The following MYO19 variants were observed in gnomAD, a reference collection of about 807,000 sequenced individuals.
MYO19 encodes myosin XIX.
MYO19 carries 132 observed loss-of-function variants against 129.2 expected under a neutral mutation model. The ratio of observed to expected loss-of-function variants is 1.02; its 90% CI spans 0.89 to 1.18. The LOEUF (loss-of-function observed/expected upper bound fraction) is 1.18, where lower values mean the gene tolerates loss of function less well. Ranked by LOEUF, MYO19 falls within the 50% of genes most tolerant of loss-of-function variation. The pLI is 0.00. For missense variants in MYO19, 1,210 were observed against 1,216.7 expected (o/e 0.99, Z 0.08); for synonymous variants, 531 against 477.2 (o/e 1.11, Z -1.47).
In MYO19 at chr17:36,532,554, T is replaced by A; in HGVS notation, c.-16A>T. On this transcript the variant is annotated 5_prime_UTR_variant, in exon 3 of 26. It removes the in-frame stop codon of an upstream open reading frame in the 5' UTR. Transcript: ENST00000614623. ...GCTGGAGCATCCTCCTTCAAAGTGGTCAGCCAGGGTTCTGGGTTGCAGGAG... is the reference window on the plus strand; with the variant it reads ...GCTGGAGCATCCTCCTTCAAAGTGGACAGCCAGGGTTCTGGGTTGCAGGAG... The A allele has an allele frequency of 6.4e-7, 1 of 1,554,332 alleles. No homozygotes were observed. The highest frequency in any genetic ancestry group is 8.7e-7 in the Non-Finnish European group (1 of 1,148,492).
At chr17:36,538,359 A>C, upstream of MYO19, 2 of 1,614,190 alleles carry the variant, frequency 1.2e-6, no homozygotes, top group African/African-American at 1.3e-5. Context: ...ACCTGTTACA[A>C]ATAAAAAGCA....
At chr17:36,534,539 A>AGGGT (rs2074017003) in intron 1 of MYO19, 1 of 152,264 alleles carries the variant, frequency 6.6e-6, no homozygotes. Context: ...GGAAAGGTGG[A>AGGGT]GGGTGATCAA....
chr17:36,495,642 T>A lies in MYO19; in HGVS notation c.*609A>T. 1.6e-6 allele frequency: 2 copies of A among 1,289,910 alleles called. No individual in the cohort carries two copies. The highest frequency in any genetic ancestry group is 2.0e-6 in the Non-Finnish European group (2 of 1,022,174). 79.9% of individuals were successfully genotyped at this position (1,289,910 alleles called of 1,614,324 possible). On this transcript the variant is annotated 3_prime_UTR_variant, in exon 26 of 26. Coordinates refer to ENST00000614623, the MANE Select transcript of MYO19 (RefSeq NM_001163735.2). ...AAACTTGACATTCAGATGATTGTTT[T>A]TAAATGTTTTACTTTTGGTACAGTT...
At chr17:36,498,675 G>C in intron 24 of MYO19, 116 bp from the exon 25 acceptor site, 1 of 1,251,536 alleles carries the variant, frequency 8.0e-7, no homozygotes, top group Non-Finnish European at 1.1e-6. Flanking sequence ...AAGGCACCTG[G>C]TTGCAAACAG....
chr17:36,512,882 G>C, intron 11 of MYO19: 2 of 1,145,250 alleles, frequency 1.7e-6, no homozygotes, highest in Non-Finnish European at 2.2e-6. Flanking sequence ...ACCTGGGGCA[G>C]TCTCATGTTC....
chr17:36,520,387 C>T (rs1392696011), intron 6 of MYO19, among the ~76,000 whole-genome samples: 1 of 152,124 alleles, frequency 6.6e-6, no homozygotes, highest in Non-Finnish European at 1.5e-5. Context: ...TGGATCTGTG[C>T]TTGCCATCTT....
upstream of MYO19, chr17:36,537,229 C>T (rs757460693): frequency 1.2e-6 from 2 of 1,614,064 alleles, no homozygotes; most frequent in Non-Finnish European, 1.7e-6. Context: ...ATCATTTTCT[C>T]ACAGTACTTG....
chr17:36,509,160 T>C (rs946672596), intron 13 of MYO19, 25 bp from the exon 14 acceptor site: 2 of 1,610,280 alleles, frequency 1.2e-6, no homozygotes, highest in African/African-American at 1.3e-5. Flanking sequence ...GAGTGGACTC[T>C]GGTAAGAGGG....
chr17:36,544,712 T>C (rs1284358914), upstream of MYO19, among the ~76,000 whole-genome samples: 1 of 152,098 alleles, frequency 6.6e-6, no homozygotes, highest in Non-Finnish European at 1.5e-5. Flanking sequence ...CCAGTCCTAG[T>C]TCGGGTCTAG....
At chr17:36,499,029 C>T (rs769910377) in intron 24 of MYO19, 46 bp downstream of exon 24, 23 of 1,496,772 alleles carry the variant, frequency 1.5e-5, no homozygotes, top group Non-Finnish European at 2.0e-5. Flanking sequence ...CATCTGGTCC[C>T]CAAAATTGAT....
chr17:36,498,711 CCAT>C, intron 24 of MYO19, 152 bp from the exon 25 acceptor site: 6 of 802,086 alleles, frequency 7.5e-6, no homozygotes, highest in Non-Finnish European at 1.2e-5. Flanking sequence ...CAAACTGGTT[CCAT>C]ATGCCACAAG....
In MYO19 at chr17:36,532,271, A is replaced by G. The variant is rs73276799; in HGVS notation, c.12+256T>C. 4.0e-3 allele frequency among the ~76,000 whole-genome samples: 602 copies of G among 152,326 alleles called. 5 individuals are homozygous for G. Among genetic ancestry groups the G allele is most frequent in the African/African-American group, 0.014 (593 of 41,572 alleles). On this transcript the variant is annotated intron_variant, in intron 3 of 25. Transcript: ENST00000614623. ...GGACATCTCTCAGGACTTCCTCTGC[A>G]GAATCCCCAAAGTGCCCTAAGGATT...
At chr17:36,531,012 A>T (rs1173463259) in intron 3 of MYO19, among the ~76,000 whole-genome samples, 2 of 152,076 alleles carry the variant, frequency 1.3e-5, no homozygotes, top group Non-Finnish European at 2.9e-5. Context: ...AGGCAGACGG[A>T]TCACTTGAGG....
At position 36,495,721 on chromosome 17, in the gene MYO19, T is replaced by G. The variant is rs112151040; in HGVS notation, c.*530A>C. 1.7e-3 allele frequency: 2,111 copies of G among 1,249,908 alleles called. 29 individuals carry two copies. In the East Asian group the frequency reaches 0.023, roughly 13 times the overall value. 77.4% of individuals were successfully genotyped at this position (1,249,908 alleles called of 1,614,324 possible). On this transcript the variant is annotated 3_prime_UTR_variant, in exon 26 of 26. Coordinates refer to ENST00000614623, the MANE Select transcript of MYO19 (RefSeq NM_001163735.2). ...ACACTTCATATGGAGTTAAACTTGG[T>G]CAGTGTTAATAAAATCAAAACGTGA...
At chr17:36,516,473 C>A (rs971293803) in intron 6 of MYO19, among the ~76,000 whole-genome samples, 1 of 152,004 alleles carries the variant, frequency 6.6e-6, no homozygotes, top group South Asian at 2.1e-4. Flanking sequence ...TGAGTTCAAG[C>A]GATTCTCCTG....
chr17:36,521,151 GAA>G (rs1238909694), intron 6 of MYO19, among the ~76,000 whole-genome samples: 2 of 152,128 alleles, frequency 1.3e-5, no homozygotes, highest in African/African-American at 2.4e-5. Context: ...AAGCTCACGG[GAA>G]AAGTTATGGC....
intron 23 of MYO19, chr17:36,499,752 G>GT (rs1429185679): frequency 1.5e-5 from 2 of 130,918 alleles, no homozygotes; most frequent in Admixed American, 9.3e-5. Context: ...TGTAGCCTCC[G>GT]TAAGGCTGTA....
At position 36,518,711 on chromosome 17, in the gene MYO19, A is replaced by G. The variant is rs528153494; in HGVS notation, c.415-2721T>C. ...TAAAATGCTGAATTTAATCAAAGGCAATAAAAAAAGGAACTAAGATCACAC... is the reference window on the plus strand; with the variant it reads ...TAAAATGCTGAATTTAATCAAAGGCGATAAAAAAAGGAACTAAGATCACAC... On this transcript the variant is annotated intron_variant, in intron 6 of 25. Transcript: ENST00000614623. Among the ~76,000 whole-genome samples, 23 of 151,438 alleles carry G rather than the reference A, an allele frequency of 1.5e-4. 1 individual carries two copies. In the South Asian group the frequency reaches 4.6e-3, roughly 30 times the overall value.
chr17:36,510,823 C>G lies in MYO19; in HGVS notation c.1080G>C (p.Gln360His), dbSNP rs2072271943. 4.4e-6 allele frequency: 7 copies of G among 1,588,022 alleles called. No individual in the cohort carries two copies. The East Asian group carries it at 1.6e-4, about 37-fold the overall frequency. ...GGGCGCAGGGCTTCCGGAACACCTG[C>G]TGCTGTCTGCCTGCCCTGATGGTTC... ...QIRTIRAGRQ[Q>H]QVFRKPCARA... Residue 360 changes from glutamine (Q) to histidine (H), a missense_variant, in exon 13 of 26, where the codon CAG becomes CAC. Physicochemically the swap from Gln to His is conservative, Grantham distance 24. Transcript: ENST00000614623.
Sources: allele counts gnomAD v4.1 joint callset (sites outside exome capture counted in the v4.1 genomes callset), GRCh38; gene constraint gnomAD v4.1.1; transcripts MANE v1.5; gene names NCBI Gene and HGNC (gene_info 2026-07-23, HGNC 2026-07-21).